RYR1: variants seen among roughly 807,000 people sequenced by gnomAD.
RYR1 encodes the protein ryanodine receptor 1.
In RYR1, 342 loss-of-function variants were observed where a neutral mutation model predicts 583.5. The ratio of observed to expected loss-of-function variants is 0.59; its 90% CI spans 0.54 to 0.64. RYR1 has a LOEUF of 0.64. RYR1 is among the 30% of genes least tolerant of loss of function. The pLI is 0.00. For missense variants in RYR1, 6,032 were observed against 6,917.2 expected (o/e 0.87, Z 4.54); for synonymous variants, 2,791 against 2,822.5 (o/e 0.99, Z 0.35).
At chr19:38,518,119 AAAAC>A (rs1240435851) in intron 66 of RYR1, among the ~76,000 whole-genome samples, 3 of 152,014 alleles carry the variant, frequency 2.0e-5, no homozygotes, top group Non-Finnish European at 4.4e-5. Flanking sequence ...ATACTCTCTC[AAAAC>A]AAACAAACAA....
intron 48 of RYR1, 72 bp downstream of exon 48, chr19:38,502,799 A>C: frequency 1.2e-5 from 5 of 406,252 alleles, no homozygotes; most frequent in East Asian, 5.9e-5. Flanking sequence ...GGGCAGGGGC[A>C]GGGGCAGGGG....
intron 93 of RYR1, among the ~76,000 whole-genome samples, chr19:38,569,122 T>C (rs1404564797): frequency 6.6e-6 from 1 of 152,052 alleles, no homozygotes; most frequent in African/African-American, 2.4e-5. Context: ...GCCATTCTCC[T>C]GCCTCAGCCT....
rs1199015511 is a variant in RYR1, at chr19:38,499,490, A to T, written c.7028-145A>T. 2.1e-6 allele frequency: 2 copies of T among 972,500 alleles called. No individual in the cohort carries two copies. The highest frequency in any genetic ancestry group is 2.9e-6 in the Non-Finnish European group (2 of 678,818). The allele number at this position is 972,500 out of a possible 1,614,324, so 60.2% of individuals were successfully genotyped here. On this transcript the variant is annotated intron_variant, in intron 43 of 105. Transcript: ENST00000359596. The surrounding 1 kb of genome is among the most constrained non-coding windows in gnomAD (Gnocchi z 7.3). ...AGAGGTGTTGGGTCCTGGGGCTGGC[A>T]GGGGCCTGGTGTTACCTCTGGAGGT...
chr19:38,496,401 T>C lies in RYR1; in HGVS notation c.6664-8T>C, dbSNP rs1376871588. ...GAGGGCAGGCCCTGACCACCCTGCC[T>C]GTCCCAGGAGATCCGCTTCCCCAAG... On this transcript the variant is annotated splice_region_variant and splice_polypyrimidine_tract_variant and intron_variant, in intron 40 of 105. Coordinates refer to ENST00000359596, the MANE Select transcript of RYR1 (RefSeq NM_000540.3). This position sits in a 1 kb window ranked among gnomAD's most constrained non-coding sequence, Gnocchi z 4.8. 5 of 1,613,886 alleles carry C rather than the reference T, an allele frequency of 3.1e-6. No individual in the cohort carries two copies. The highest frequency in any genetic ancestry group is 2.2e-5 in the South Asian group (2 of 91,090).
chr19:38,487,255 C>T (rs938388498), intron 34 of RYR1, among the ~76,000 whole-genome samples: 13 of 152,182 alleles, frequency 8.5e-5, no homozygotes, highest in African/African-American at 2.9e-4. Flanking sequence ...TCCATCTACC[C>T]GTTCCCTATC....
At chr19:38,445,445 T>C (rs1289094054) in intron 7 of RYR1, among the ~76,000 whole-genome samples, 1 of 151,686 alleles carries the variant, frequency 6.6e-6, no homozygotes, top group Non-Finnish European at 1.5e-5. Flanking sequence ...ATGCTAAGAC[T>C]CCAGGCATGG....
At chr19:38,527,895 A>G (rs2063034376) in intron 73 of RYR1, 111 bp downstream of exon 73, 1 of 1,256,374 alleles carries the variant, frequency 8.0e-7, no homozygotes, top group Admixed American at 2.2e-5. Flanking sequence ...GTTTTGGGGC[A>G]GGGCAGGAGG....
intron 39 of RYR1, among the ~76,000 whole-genome samples, chr19:38,495,212 A>G (rs1708989108): frequency 6.6e-6 from 1 of 152,002 alleles, no homozygotes; most frequent in African/African-American, 2.4e-5. Flanking sequence ...AGCCAAGCCT[A>G]CTCTGAAGGG....
chr19:38,567,791 G>A lies in RYR1; in HGVS notation c.13533G>A (p.Lys4511=), dbSNP rs1337711893. The change falls in exon 93 of 106, where the codon AAG becomes AAA. Residue 4511 remains lysine, a synonymous_variant. Coordinates refer to ENST00000359596, the MANE Select transcript of RYR1 (RefSeq NM_000540.3). ...PEKADAENGE[K]EEVPEPTPEP... is the part of the protein sequence containing the mutation. Reference sequence around the variant, plus strand: ...CCTGCAGTGCCGAGAATGGGGAGAAGGAAGAAGTTCCCGAGCCCACACCAG... The same window carrying A: ...CCTGCAGTGCCGAGAATGGGGAGAAAGAAGAAGTTCCCGAGCCCACACCAG... The A allele has an allele frequency of 3.1e-6, 5 of 1,614,158 alleles. No homozygotes were observed. The highest frequency in any genetic ancestry group is 4.2e-6 in the Non-Finnish European group (5 of 1,180,030).
rs757165906 is a variant in RYR1 at position 38,463,530 on chromosome 19, G to A, written c.2682+3G>A. ...AGCAGGGCTGGACCTACGGCCCGGT[G>A]AGGGGCTGCCTGCAGCCTGCGGGAG... is the stretch of plus-strand genomic sequence containing the variant. On this transcript the variant is annotated splice_donor_region_variant and intron_variant, in intron 21 of 105. Transcript: ENST00000359596. 1.2e-6 allele frequency: 2 copies of A among 1,611,380 alleles called. No homozygotes were observed. The highest frequency in any genetic ancestry group is 1.7e-5 in the Admixed American group (1 of 59,984).
chr19:38,528,689 C>T lies in RYR1; in HGVS notation c.11028C>T (p.Asp3676=). 1 of 1,614,136 alleles carries T rather than the reference C, an allele frequency of 6.2e-7. No individual in the cohort carries two copies. The highest frequency in any genetic ancestry group is 8.5e-7 in the Non-Finnish European group (1 of 1,180,006). ...GTTTTGAGGACCGCATGATAGATGA[C>T]CTTTCAGTGAGCTGGGACCCGCCTG... ...DHSFEDRMID[D]LSKAGEQEEE... The change falls in exon 75 of 106, where the codon GAC becomes GAT. Residue 3676 remains aspartate, a synonymous_variant. Coordinates refer to ENST00000359596, the MANE Select transcript of RYR1 (RefSeq NM_000540.3).
intron 9 of RYR1, 93 bp downstream of exon 9, chr19:38,446,861 A>C: frequency 1.0e-6 from 1 of 987,122 alleles, no homozygotes; most frequent in Non-Finnish European, 1.5e-6. Flanking sequence ...AGATCTGATA[A>C]AGAGACTGAA....
At chr19:38,472,300 C>A (rs932830457) in intron 27 of RYR1, among the ~76,000 whole-genome samples, 2 of 152,022 alleles carry the variant, frequency 1.3e-5, no homozygotes, top group African/African-American at 4.8e-5. Context: ...GAGGTTTCAC[C>A]ATGCTGGCCA....
At position 38,512,366 on chromosome 19, in the gene RYR1, C is replaced by T. The variant is rs61739911; in HGVS notation, c.9355C>T (p.Arg3119Cys). ...NLRLGKVSQA[R>C]TQVKGVGQNL... is the part of the protein sequence containing the mutation. ...GCGGCTGGGCAAGGTGTCGCAGGCGCGCACCCAGGTGAAAGGCGTGGGCCA... is the reference window on the plus strand; with the variant it reads ...GCGGCTGGGCAAGGTGTCGCAGGCGTGCACCCAGGTGAAAGGCGTGGGCCA... Residue 3119 changes from arginine to cysteine, a missense_variant, in exon 63 of 106, where the codon CGC (arginine) becomes TGC (cysteine). By Grantham distance (180) the Arg-to-Cys change is radical. This residue lies in a region of RYR1 where 1,493 missense variants were observed against 1,715.5 expected (regional missense o/e 0.87). Coordinates refer to ENST00000359596, the MANE Select transcript of RYR1 (RefSeq NM_000540.3). This position sits in a 1 kb window ranked among gnomAD's most constrained non-coding sequence, Gnocchi z 5.1. 2.2e-4 allele frequency: 358 copies of T among 1,614,082 alleles called. No individual in the cohort carries two copies. In the African/African-American group the frequency reaches 4.1e-3, roughly 18 times the overall value.
Position 38,464,667 on chromosome 19 carries a change from G to C in RYR1, c.2815G>C (p.Gly939Arg). The change falls in exon 23 of 106, where the codon GGC (glycine) becomes CGC (arginine). Residue 939 changes from glycine to arginine, a missense_variant. By Grantham distance (125) the Gly-to-Arg change is moderately radical. Coordinates refer to ENST00000359596, the MANE Select transcript of RYR1 (RefSeq NM_000540.3). ...KTLLALGCHV[G>R]MADEKAEDNL... Reference sequence around the variant, plus strand: ...TCTGCTGGCTCTGGGCTGCCACGTGGGCATGGCGGATGAGAAGGCGGAGGA... The same window carrying C: ...TCTGCTGGCTCTGGGCTGCCACGTGCGCATGGCGGATGAGAAGGCGGAGGA... 4 of 1,593,182 alleles carry C rather than the reference G, an allele frequency of 2.5e-6. No individual in the cohort carries two copies. The highest frequency in any genetic ancestry group is 2.6e-6 in the Non-Finnish European group (3 of 1,170,112).
In RYR1 at chr19:38,578,270, G is replaced by T. The variant is rs893847668; in HGVS notation, c.14364+66G>T. On this transcript the variant is annotated intron_variant, in intron 99 of 105. Coordinates refer to ENST00000359596, the MANE Select transcript of RYR1 (RefSeq NM_000540.3). ...GTGGGGCGTTAGGAGGGTTCCCAAC[G>T]TCGGGTGTTCCTGACCAAAGAATGA... 4.6e-6 allele frequency: 7 copies of T among 1,538,150 alleles called. No homozygotes were observed. In the Admixed American group the frequency reaches 9.3e-5, roughly 20 times the overall value.
At chr19:38,567,308 A>G (rs1201706148) in intron 92 of RYR1, among the ~76,000 whole-genome samples, 3 of 152,124 alleles carry the variant, frequency 2.0e-5, no homozygotes, top group East Asian at 1.9e-4. Context: ...CCTGGGTGAC[A>G]GAGCAAGACC....
chr19:38,474,210 T>G (rs1010187005), intron 28 of RYR1, among the ~76,000 whole-genome samples: 2 of 152,114 alleles, frequency 1.3e-5, no homozygotes, highest in African/African-American at 4.8e-5. Flanking sequence ...AAAGGGAGAT[T>G]CTGAGAAGGT....
chr19:38,535,076 T>C, intron 79 of RYR1, 65 bp from the exon 80 acceptor site: 1 of 1,532,916 alleles, frequency 6.5e-7, no homozygotes, highest in Non-Finnish European at 9.0e-7. Context: ...ATGGCTGTTT[T>C]CTGGTGGGTG....
Sources: allele counts gnomAD v4.1 joint callset (sites outside exome capture counted in the v4.1 genomes callset), GRCh38; gene constraint gnomAD v4.1.1; regional missense constraint gnomAD v4.1.1; non-coding constraint Gnocchi (gnomAD v3.1); transcripts MANE v1.5; gene names NCBI Gene and HGNC (gene_info 2026-07-23, HGNC 2026-07-21).